BMPR1A: variants seen among roughly 807,000 people sequenced by gnomAD.
BMPR1A encodes the protein bone morphogenetic protein receptor type-1A.
BMPR1A carries 7 observed loss-of-function variants against 66.0 expected under a neutral mutation model. The ratio of observed to expected loss-of-function variants is 0.11; its 90% confidence interval spans 0.06 to 0.20. The LOEUF (loss-of-function observed/expected upper bound fraction) is 0.20, where lower values mean the gene tolerates loss of function less well. Ranked by LOEUF, BMPR1A falls within the 10% of genes least tolerant of loss-of-function variation. The probability of loss-of-function intolerance (pLI) is 1.00; values close to 1 mark genes in which losing one functional copy is unlikely to be tolerated. For synonymous variants in BMPR1A, 200 were observed against 229.7 expected (o/e 0.87, Z 1.17); for missense variants, 408 against 669.1 (o/e 0.61, Z 4.31).
At chr10:86,885,368 A>G (rs1449324990) in intron 3 of BMPR1A, among the ~76,000 whole-genome samples, 1 of 152,230 alleles carries the variant, frequency 6.6e-6, no homozygotes, top group East Asian at 1.9e-4. Context: ...TTGTGTCGGC[A>G]GAATTGAATA....
chr10:86,896,962 C>T (rs1199761558), intron 5 of BMPR1A, among the ~76,000 whole-genome samples: 2 of 152,216 alleles, frequency 1.3e-5, no homozygotes, highest in African/African-American at 4.8e-5. Context: ...CTAACCCTTT[C>T]CCCAGTGTCT....
chr10:86,895,982 C>T (rs973099440), intron 5 of BMPR1A, among the ~76,000 whole-genome samples: 3 of 152,084 alleles, frequency 2.0e-5, no homozygotes, highest in East Asian at 1.9e-4. Flanking sequence ...GGTGAAACCC[C>T]GTCTCTACTA....
intron 1 of BMPR1A, among the ~76,000 whole-genome samples, chr10:86,791,062 G>T (rs761194897): frequency 2.7e-4 from 41 of 152,134 alleles, no homozygotes; most frequent in Non-Finnish European, 5.0e-4. Context: ...AAATGTGTTA[G>T]CTACTAAATC....
intron 1 of BMPR1A, among the ~76,000 whole-genome samples, chr10:86,775,045 A>G (rs1005229947): frequency 9.2e-5 from 14 of 152,218 alleles, no homozygotes; most frequent in Non-Finnish European, 7.3e-5. Flanking sequence ...ACCCCAGCCA[A>G]TGGACTAAGA....
At chr10:86,829,880 G>C (rs1315402886) in intron 1 of BMPR1A, among the ~76,000 whole-genome samples, 1 of 151,936 alleles carries the variant, frequency 6.6e-6, no homozygotes, top group Non-Finnish European at 1.5e-5. Context: ...TCAGTTTTTT[G>C]TGTGGACATA....
rs754015069 is a variant in BMPR1A at position 86,876,056 on chromosome 10, C to T, written c.38C>T (p.Ala13Val). Reference sequence around the variant, plus strand: ...TACATTTACATCAGATTATTGGGAGCCTATTTGTTCATCATTTCTCGTGTT... The same window carrying T: ...TACATTTACATCAGATTATTGGGAGTCTATTTGTTCATCATTTCTCGTGTT... Reference protein sequence around the residue: ...QLYIYIRLLGAYLFIISRVQG... With the variant: ...QLYIYIRLLGVYLFIISRVQG... Residue 13 changes from alanine to valine, a missense_variant, in exon 3 of 13, where the codon GCC (alanine) becomes GTC (valine). Physicochemically the swap from Ala to Val is moderately conservative, Grantham distance 64. This residue lies in a region of BMPR1A where 68 missense variants were observed against 83.0 expected (regional missense o/e 0.82). Coordinates refer to ENST00000372037, the MANE Select transcript of BMPR1A (RefSeq NM_004329.3). The T allele has an allele frequency of 6.2e-7, 1 of 1,611,858 alleles. No individual in the cohort carries two copies. The highest frequency in any genetic ancestry group is 1.3e-5 in the African/African-American group (1 of 74,850).
intron 2 of BMPR1A, chr10:86,855,918 T>G: frequency 1.5e-6 from 1 of 653,782 alleles, no homozygotes; most frequent in East Asian, 2.6e-5. Flanking sequence ...CTAGGATTGT[T>G]GATATCTGAT....
rs79822536 is a variant in BMPR1A, at chr10:86,811,333, C to G, written c.-267-27532C>G. Among the ~76,000 whole-genome samples the G allele has an allele frequency of 0.01, 1,543 of 152,290 alleles. 64 individuals carry two copies. The East Asian group carries it at 0.12, about 12-fold the overall frequency. On this transcript the variant is annotated intron_variant, in intron 1 of 12. Coordinates refer to ENST00000372037, the MANE Select transcript of BMPR1A (RefSeq NM_004329.3). ...GGATTACAGGCGTGAGCCACCACTC[C>G]CGGCCAGAAGCACAATTTTTAATTT...
At chr10:86,780,045 C>G (rs941829658) in intron 1 of BMPR1A, among the ~76,000 whole-genome samples, 2 of 152,172 alleles carry the variant, frequency 1.3e-5, no homozygotes, top group Admixed American at 6.5e-5. Context: ...GCTGGGATTA[C>G]AGGCATGAGC....
At chr10:86,823,013 A>G (rs1298925427) in intron 1 of BMPR1A, among the ~76,000 whole-genome samples, 1 of 152,216 alleles carries the variant, frequency 6.6e-6, no homozygotes, top group East Asian at 1.9e-4. Context: ...GCAAGATAAT[A>G]AATGTATAGA....
intron 2 of BMPR1A, among the ~76,000 whole-genome samples, chr10:86,865,207 C>G (rs187643099): frequency 6.6e-6 from 1 of 152,032 alleles, no homozygotes; most frequent in Non-Finnish European, 1.5e-5. Context: ...TGTAAATGGC[C>G]GGTCCATGCC....
intron 1 of BMPR1A, among the ~76,000 whole-genome samples, chr10:86,763,410 C>T (rs990445672): frequency 4.6e-5 from 7 of 151,934 alleles, no homozygotes; most frequent in South Asian, 2.1e-4. Flanking sequence ...TCCGAATCTT[C>T]GTTTCTTTAT....
chr10:86,846,692 C>G (rs951264946), intron 2 of BMPR1A, among the ~76,000 whole-genome samples: 15 of 152,016 alleles, frequency 9.9e-5, no homozygotes, highest in African/African-American at 2.7e-4. Flanking sequence ...CGAAGCAAGA[C>G]TCTGTCCCCC....
chr10:86,897,632 G>T (rs1246178238), intron 5 of BMPR1A, among the ~76,000 whole-genome samples: 2 of 152,010 alleles, frequency 1.3e-5, no homozygotes, highest in African/African-American at 2.4e-5. Context: ...TTAAAGACAG[G>T]GTATTGCTCC....
chr10:86,834,498 A>C (rs766748196), intron 1 of BMPR1A, among the ~76,000 whole-genome samples: 2 of 152,246 alleles, frequency 1.3e-5, no homozygotes, highest in South Asian at 4.1e-4. Flanking sequence ...TTTGTACACT[A>C]AAGTTCTTTT....
intron 11 of BMPR1A, among the ~76,000 whole-genome samples, chr10:86,922,625 C>T (rs1843683683): frequency 6.6e-6 from 1 of 152,228 alleles, no homozygotes; most frequent in Admixed American, 6.5e-5. Context: ...GAATCCTGTC[C>T]CAGCGGAGTC....
chr10:86,854,933 CTT>C (rs921404914), intron 2 of BMPR1A: 35 of 146,098 alleles, frequency 2.4e-4, no homozygotes, highest in East Asian at 9.2e-4. Flanking sequence ...TTTTCTTTTT[CTT>C]TTTTTTTTTT....
chr10:86,783,154 C>T (rs146534071), intron 1 of BMPR1A, among the ~76,000 whole-genome samples: 37 of 152,304 alleles, frequency 2.4e-4, no homozygotes, highest in Non-Finnish European at 4.1e-4. Flanking sequence ...AGTCTTGGCT[C>T]ATCATTTGAC....
intron 1 of BMPR1A, among the ~76,000 whole-genome samples, chr10:86,786,564 A>G (rs1841521045): frequency 6.6e-6 from 1 of 152,130 alleles, no homozygotes; most frequent in African/African-American, 2.4e-5. Flanking sequence ...GAAATTCCCC[A>G]TCTCAGTCTT....
Sources: gnomAD v4.1 joint callset for allele counts (sites outside exome capture counted in the v4.1 genomes callset) on GRCh38, gnomAD v4.1.1 for gene constraint, gnomAD v4.1.1 regional missense constraint, MANE v1.5 for transcripts, NCBI Gene and HGNC (gene_info 2026-07-23, HGNC 2026-07-21) for gene names.